The following SCNN1A variants were observed in gnomAD, a reference collection of about 807,000 sequenced individuals.
The protein encoded by SCNN1A is epithelial sodium channel subunit alpha.
SCNN1A carries 65 observed loss-of-function variants against 68.6 expected under a neutral mutation model. The ratio of observed to expected loss-of-function variants is 0.95; its 90% CI spans 0.78 to 1.16. The LOEUF (loss-of-function observed/expected upper bound fraction) is 1.16. SCNN1A is among the 50% of genes most tolerant of loss of function. The pLI, the probability that SCNN1A is intolerant of heterozygous loss-of-function variation, is 0.00. For synonymous variants in SCNN1A, 357 were observed against 353.3 expected (o/e 1.01, Z -0.12); for missense variants, 880 against 865.9 (o/e 1.02, Z -0.20).
At chr12:6,366,188 G>A (rs1419185084) in intron 2 of SCNN1A, among the ~76,000 whole-genome samples, 1 of 152,092 alleles carries the variant, frequency 6.6e-6, no homozygotes, top group African/African-American at 2.4e-5. Context: ...TTCTGACCCT[G>A]TACACAGCTA....
chr12:6,354,898 G>A, intron 6 of SCNN1A, 50 bp from the exon 7 acceptor site: 7 of 1,457,136 alleles, frequency 4.8e-6, no homozygotes, highest in Non-Finnish European at 6.7e-6. Flanking sequence ...AAGTGCCTCT[G>A]GGTTCTCTGC....
chr12:6,358,708 A>G (rs1948535739), intron 4 of SCNN1A, among the ~76,000 whole-genome samples: 1 of 152,054 alleles, frequency 6.6e-6, no homozygotes. Flanking sequence ...AAATTAAAAA[A>G]AATTAGCTGG....
chr12:6,355,685 C>T lies in SCNN1A; in HGVS notation c.979+92G>A. Reference sequence around the variant, plus strand: ...ATTGGGGAGAGACAGCAGGCAGGACCCCTCCCAGCAGCTCTAGGAGGTGAG... The same window carrying T: ...ATTGGGGAGAGACAGCAGGCAGGACTCCTCCCAGCAGCTCTAGGAGGTGAG... On this transcript the variant is annotated intron_variant, in intron 5 of 12. Transcript: ENST00000228916. The T allele has an allele frequency of 1.3e-5, 13 of 986,084 alleles. No homozygotes were observed. In the South Asian group the frequency reaches 1.7e-4, roughly 13 times the overall value. The allele number at this position is 986,084 out of a possible 1,614,324, so 61.1% of individuals were successfully genotyped here.
rs747270695 is a variant in SCNN1A at position 6,349,191 on chromosome 12, G to A, written c.1470C>T (p.Tyr490=). Reference sequence around the variant, plus strand: ...GGGATGTCACCGAGGGCCATCGTGAGTAACCAGCAGAGAGCTGGTAGCTGG... The same window carrying A: ...GGGATGTCACCGAGGGCCATCGTGAATAACCAGCAGAGAGCTGGTAGCTGG... ...SVTSYQLSAG[Y]SRWPSVTSQE... The change falls in exon 10 of 13, where the codon TAC becomes TAT. Residue 490 remains tyrosine, a synonymous_variant. Transcript: ENST00000228916. The A allele has an allele frequency of 9.9e-6, 16 of 1,614,024 alleles. No homozygotes were observed. The South Asian group carries it at 1.8e-4, about 18-fold the overall frequency.
chr12:6,356,046 G>C (rs751433813), intron 4 of SCNN1A, 166 bp from the exon 5 acceptor site: 8 of 685,330 alleles, frequency 1.2e-5, no homozygotes, highest in South Asian at 9.3e-5. Flanking sequence ...ACAATGCTGA[G>C]AGCTTTACTC....
At chr12:6,356,094 G>A (rs1489932369) in intron 4 of SCNN1A, 2 of 611,510 alleles carry the variant, frequency 3.3e-6, no homozygotes, top group East Asian at 5.7e-5. Flanking sequence ...GCCTGTGAGA[G>A]TCTCATCCTC....
At chr12:6,376,250 G>A (rs1242200518), upstream of SCNN1A, 6 of 935,182 alleles carry the variant, frequency 6.4e-6, no homozygotes, top group Non-Finnish European at 7.7e-6. Context: ...CTGATTCCTC[G>A]CCACCCCCTC....
At chr12:6,350,738 G>A (rs1298535226) in intron 8 of SCNN1A, among the ~76,000 whole-genome samples, 1 of 152,150 alleles carries the variant, frequency 6.6e-6, no homozygotes, top group Non-Finnish European at 1.5e-5. Context: ...TTGGGAGGCT[G>A]AGGCAGGATA....
chr12:6,352,004 G>A (rs1335908133), intron 8 of SCNN1A, among the ~76,000 whole-genome samples: 1 of 152,108 alleles, frequency 6.6e-6, no homozygotes, highest in Non-Finnish European at 1.5e-5. Context: ...GCCCACCTTG[G>A]CCTCTCAAAG....
intron 2 of SCNN1A, among the ~76,000 whole-genome samples, chr12:6,373,776 C>T (rs953717101): frequency 1.3e-5 from 2 of 152,204 alleles, no homozygotes; most frequent in African/African-American, 2.4e-5. Context: ...TGCTCTCTAG[C>T]CTGACCCATT....
Position 6,347,967 on chromosome 12 carries a change from G to A in SCNN1A, c.1916C>T (p.Ala639Val). 1 of 1,560,192 alleles carries A rather than the reference G, an allele frequency of 6.4e-7. No homozygotes were observed. Among genetic ancestry groups the A allele is most frequent in the Non-Finnish European group, 8.7e-7 (1 of 1,146,472 alleles). The change falls in exon 13 of 13, where the codon GCC becomes GTC. Residue 639 changes from alanine (A) to valine (V), a missense_variant. Ala to Val is a moderately conservative substitution (Grantham distance 64, BLOSUM62 0). Coordinates refer to ENST00000228916, the MANE Select transcript of SCNN1A (RefSeq NM_001038.6). ...CAGGGTGGCATAGGCAGGGGGAGGG[G>A]CTGTCAAGGCTGGAGAGGGAGCAGG... ...PGPAPSPALTAPPPAYATLGP... is the reference protein window; with the variant it reads ...PGPAPSPALTVPPPAYATLGP...
intron 4 of SCNN1A, among the ~76,000 whole-genome samples, chr12:6,361,066 T>C (rs1948573261): frequency 6.6e-6 from 1 of 152,268 alleles, no homozygotes. Flanking sequence ...CGTCATCATC[T>C]TCGTCACTTG....
In SCNN1A at chr12:6,355,769, C is replaced by T; in HGVS notation, c.979+8G>A. 1 of 1,586,156 alleles carries T rather than the reference C, an allele frequency of 6.3e-7. No homozygotes were observed. ...AGGGCGCCATGGAGCAAGCAGGGAG[C>T]TTCTCACCGTTGTTGATTCCAGGCA... On this transcript the variant is annotated splice_region_variant and intron_variant, in intron 5 of 12. Transcript: ENST00000228916.
chr12:6,356,069 T>C lies in SCNN1A; in HGVS notation c.876-189A>G, dbSNP rs201154628. 5.3e-5 allele frequency: 34 copies of C among 646,214 alleles called. No homozygotes were observed. The East Asian group carries it at 9.1e-4, about 17-fold the overall frequency. 40.0% of individuals were successfully genotyped at this position (646,214 alleles called of 1,614,324 possible). On this transcript the variant is annotated intron_variant, in intron 4 of 12. Transcript: ENST00000228916. ...GAGAGCTTTACTCACACTCCCTCAG[T>C]CACTCCAACCAACAGCCTGTGAGAG...
At position 6,362,086 on chromosome 12, in the gene SCNN1A, G is replaced by A. The variant is rs139335335; in HGVS notation, c.840C>T (p.Phe280=). 149 of 1,614,238 alleles carry A rather than the reference G, an allele frequency of 9.2e-5. 2 individuals carry two copies. The African/African-American group carries it at 1.2e-3, about 13-fold the overall frequency. The change falls in exon 4 of 13, where the codon TTC becomes TTT. Residue 280 remains phenylalanine, a synonymous_variant. Transcript: ENST00000228916. ...AGGAGACCTGGTTGAAGCGGCAGGCGAAGATGAAGTTGCCCAGCGTGTCCT... is the reference window on the plus strand; with the variant it reads ...AGGAGACCTGGTTGAAGCGGCAGGCAAAGATGAAGTTGCCCAGCGTGTCCT... ...LEEDTLGNFI[F]ACRFNQVSCN...
Position 6,351,968 on chromosome 12 carries a change from G to T in SCNN1A, c.1360+2470C>A, listed in dbSNP as rs543817052. ...GTTTCGCCACGTTGCCCAGGCTGGT[G>T]TCGAAATCCTGGGCTCAAGTGATCT... On this transcript the variant is annotated intron_variant, in intron 8 of 12. Coordinates refer to ENST00000228916, the MANE Select transcript of SCNN1A (RefSeq NM_001038.6). The surrounding 1 kb of genome is among the most constrained non-coding windows in gnomAD (Gnocchi z 4.2). Among the ~76,000 whole-genome samples, 194 of 152,180 alleles carry T rather than the reference G, an allele frequency of 1.3e-3. No individual in the cohort carries two copies. The highest frequency in any genetic ancestry group is 2.0e-3 in the Non-Finnish European group (135 of 68,010).
At position 6,372,433 on chromosome 12, in the gene SCNN1A, G is replaced by A. The variant is rs1031914281; in HGVS notation, c.416+1935C>T. Among the ~76,000 whole-genome samples, 3 of 152,096 alleles carry A rather than the reference G, an allele frequency of 2.0e-5. No homozygotes were observed. Among genetic ancestry groups the A allele is most frequent in the Non-Finnish European group, 2.9e-5 (2 of 68,036 alleles). ...CTCTCCTAGGTGTTCTCTCCCTCCC[G>A]ACTCCCACAGCAGCCCTTCAAGAAG... On this transcript the variant is annotated intron_variant, in intron 2 of 12. Coordinates refer to ENST00000228916, the MANE Select transcript of SCNN1A (RefSeq NM_001038.6). This position sits in a 1 kb window ranked among gnomAD's most constrained non-coding sequence, Gnocchi z 5.8.
chr12:6,347,497 C>T lies in SCNN1A; in HGVS notation c.*376G>A. On this transcript the variant is annotated 3_prime_UTR_variant, in exon 13 of 13. Coordinates refer to ENST00000228916, the MANE Select transcript of SCNN1A (RefSeq NM_001038.6). ...TCGCTGGGCAGGAAACCCGTGCATG[C>T]CTGCGTGTACCCTTGGTTGTGTTTT... 1 of 259,196 alleles carries T rather than the reference C, an allele frequency of 3.9e-6. No individual in the cohort carries two copies. The highest frequency in any genetic ancestry group is 7.6e-6 in the Non-Finnish European group (1 of 131,330). The allele number at this position is 259,196 out of a possible 1,614,324, so 16.1% of individuals were successfully genotyped here.
intron 4 of SCNN1A, among the ~76,000 whole-genome samples, chr12:6,358,236 C>T (rs1004785220): frequency 1.3e-5 from 2 of 152,106 alleles, no homozygotes; most frequent in Non-Finnish European, 2.9e-5. Context: ...CTCACTAGTA[C>T]GATTACAGGG....
Sources: gnomAD v4.1 joint callset for allele counts (sites outside exome capture counted in the v4.1 genomes callset) on GRCh38, gnomAD v4.1.1 for gene constraint, Gnocchi (gnomAD v3.1) non-coding constraint, MANE v1.5 for transcripts, NCBI Gene and HGNC (gene_info 2026-07-23, HGNC 2026-07-21) for gene names.